BCAS3: variants seen among roughly 807,000 people sequenced by gnomAD.
The protein encoded by BCAS3 is BCAS3 microtubule associated cell migration factor, also known as BCAS4/BCAS3 fusion.
A neutral mutation model predicts 116.1 loss-of-function variants in BCAS3; 53 were observed. The observed-to-expected ratio is 0.46, with a 90% CI of 0.37 to 0.57. BCAS3 has a LOEUF of 0.57. Ranked by LOEUF, BCAS3 falls within the 20% of genes least tolerant of loss-of-function variation. The pLI is 0.00. For synonymous variants in BCAS3, 391 were observed against 408.2 expected, an observed-to-expected ratio of 0.96 and a Z score of 0.51; for missense variants, 917 against 1,165.4, an observed-to-expected ratio of 0.79 and a Z score of 3.10.
intron 4 of BCAS3, among the ~76,000 whole-genome samples, chr17:60,707,001 A>AT (rs1568062260): frequency 1.3e-5 from 2 of 150,528 alleles, no homozygotes; most frequent in Non-Finnish European, 1.5e-5. Flanking sequence ...TATTATTATT[A>AT]TTTTTTTGAG....
intron 10 of BCAS3, among the ~76,000 whole-genome samples, chr17:60,890,753 C>A (rs2057088611): frequency 6.6e-6 from 1 of 152,110 alleles, no homozygotes; most frequent in Non-Finnish European, 1.5e-5. Context: ...AGAATGAAAT[C>A]TTCTAAAAGA....
chr17:60,868,537 T>C (rs759218597), intron 7 of BCAS3, 39 bp from the exon 8 acceptor site: 9 of 1,338,716 alleles, frequency 6.7e-6, no homozygotes, highest in Non-Finnish European at 9.1e-6. Context: ...TCTTTCTTTT[T>C]TAAAAAAATG....
chr17:60,994,515 A>G lies in BCAS3; in HGVS notation c.1486+4280A>G, dbSNP rs2063720566. On this transcript the variant is annotated intron_variant, in intron 15 of 23. Coordinates refer to ENST00000407086, the MANE Select transcript of BCAS3 (RefSeq NM_017679.5). This position sits in a 1 kb window ranked among gnomAD's most constrained non-coding sequence, Gnocchi z 4.4. ...CAGTAATTTCTAACAATTTTTTACT[A>G]TCACAAGCACTTCCTTGTGGAATGT... Among the ~76,000 whole-genome samples the G allele has an allele frequency of 6.6e-6, 1 of 152,114 alleles. No homozygotes were observed. The highest frequency in any genetic ancestry group is 1.5e-5 in the Non-Finnish European group (1 of 68,016).
Position 61,082,107 on chromosome 17 carries a change from A to G in BCAS3, c.2328-2360A>G, listed in dbSNP as rs1284988071. On this transcript the variant is annotated intron_variant, in intron 21 of 23. Transcript: ENST00000407086. This position sits in a 1 kb window ranked among gnomAD's most constrained non-coding sequence, Gnocchi z 5.1. ...AGCAGGTGTTTAAAAAGAATGGGCA[A>G]TGAAATATTTGCTAACAGACCTGAG... Among the ~76,000 whole-genome samples the G allele has an allele frequency of 6.6e-6, 1 of 152,250 alleles. No individual in the cohort carries two copies. Among genetic ancestry groups the G allele is most frequent in the East Asian group, 1.9e-4 (1 of 5,198 alleles).
rs529618586 is a variant in BCAS3, at chr17:60,856,696, A to G, written c.477-11880A>G. Among the ~76,000 whole-genome samples, 6 of 152,118 alleles carry G rather than the reference A, an allele frequency of 3.9e-5. No individual in the cohort carries two copies. In the South Asian group the frequency reaches 1.2e-3, roughly 32 times the overall value. Reference sequence around the variant, plus strand: ...ATACAGCCAGACTGTCTCCAAAAAAATAAAAAAAAAATTATAGATTCATTT... The same window carrying G: ...ATACAGCCAGACTGTCTCCAAAAAAGTAAAAAAAAAATTATAGATTCATTT... On this transcript the variant is annotated intron_variant, in intron 7 of 23. Coordinates refer to ENST00000407086, the MANE Select transcript of BCAS3 (RefSeq NM_017679.5).
intron 5 of BCAS3, among the ~76,000 whole-genome samples, chr17:60,737,933 T>C (rs2041140631): frequency 6.6e-6 from 1 of 152,104 alleles, no homozygotes; most frequent in South Asian, 2.1e-4. Context: ...ATTACAGGCA[T>C]GTGCCACCAC....
intron 22 of BCAS3, among the ~76,000 whole-genome samples, chr17:61,335,864 G>A (rs1276578318): frequency 2.0e-5 from 3 of 152,278 alleles, no homozygotes; most frequent in Non-Finnish European, 2.9e-5. Flanking sequence ...AAAACGCAAA[G>A]CACCAGAGTC....
intron 22 of BCAS3, among the ~76,000 whole-genome samples, chr17:61,236,044 T>C (rs147389863): frequency 6.6e-6 from 1 of 152,318 alleles, no homozygotes; most frequent in East Asian, 1.9e-4. Context: ...AATGTTACAA[T>C]TGCAGCTGGA....
In BCAS3 at chr17:61,322,856, CAG is replaced by C. The variant is rs149772722; in HGVS notation, c.2426-45448_2426-45447del. ...AGAGAGAGAGAGAGAGAGAGAGAGA[CAG>C]AGAGAGAGAGAGAGAGAGAGAGGTG... On this transcript the variant is annotated intron_variant, in intron 22 of 23. Transcript: ENST00000407086. 9.2e-3 allele frequency among the ~76,000 whole-genome samples: 555 copies of C among 60,170 alleles called. 5 individuals carry two copies. Among genetic ancestry groups the C allele is most frequent in the Middle Eastern group, 0.037 (4 of 108 alleles). 39.5% of individuals were successfully genotyped at this position (60,170 alleles called of 152,430 possible).
rs1436705740 is a variant in BCAS3 at position 61,344,242 on chromosome 17, A to T, written c.2426-24085A>T. 1.3e-5 allele frequency among the ~76,000 whole-genome samples: 2 copies of T among 151,800 alleles called. No individual in the cohort carries two copies. Among genetic ancestry groups the T allele is most frequent in the Non-Finnish European group, 2.9e-5 (2 of 67,956 alleles). The stretch of plus-strand genomic sequence containing the variant: ...TCACCTGCCAAAATCATCCTTTGAC[A>T]TTAAAAAAAAAAAATCCCCTTGCTT... On this transcript the variant is annotated intron_variant, in intron 22 of 23. Transcript: ENST00000407086. This position sits in a 1 kb window ranked among gnomAD's most constrained non-coding sequence, Gnocchi z 4.1.
chr17:60,805,418 C>G (rs1198451880), intron 6 of BCAS3, among the ~76,000 whole-genome samples: 1 of 152,126 alleles, frequency 6.6e-6, no homozygotes, highest in African/African-American at 2.4e-5. Context: ...CTCAGGGTCT[C>G]TGGGTGGGCC....
Position 61,256,736 on chromosome 17 carries a change from A to G in BCAS3, c.2426-111591A>G, listed in dbSNP as rs1364829967. Among the ~76,000 whole-genome samples, 3 of 152,212 alleles carry G rather than the reference A, an allele frequency of 2.0e-5. No homozygotes were observed. The highest frequency in any genetic ancestry group is 2.9e-5 in the Non-Finnish European group (2 of 68,034). On this transcript the variant is annotated intron_variant, in intron 22 of 23. Coordinates refer to ENST00000407086, the MANE Select transcript of BCAS3 (RefSeq NM_017679.5). The surrounding 1 kb of genome is among the most constrained non-coding windows in gnomAD (Gnocchi z 5.6). ...TACAGAGATAAACTGGAGACAGAGT[A>G]ACACAAAAATAATCATTTCAAAAGA...
chr17:61,035,045 A>G (rs143336059), intron 17 of BCAS3, among the ~76,000 whole-genome samples: 13 of 152,272 alleles, frequency 8.5e-5, no homozygotes, highest in East Asian at 7.7e-4. Flanking sequence ...GGTGATCTCA[A>G]TGCTGTCAAT....
Position 61,037,589 on chromosome 17 carries a change from C to T in BCAS3, c.1763-300C>T, listed in dbSNP as rs766297539. On this transcript the variant is annotated intron_variant, in intron 17 of 23. Transcript: ENST00000407086. The surrounding 1 kb of genome is among the most constrained non-coding windows in gnomAD (Gnocchi z 4.7). Reference sequence around the variant, plus strand: ...GAGTTCGAGACCAGCCTGACCAACACGGCGAAACCCTATCTCTACTAAAAA... The same window carrying T: ...GAGTTCGAGACCAGCCTGACCAACATGGCGAAACCCTATCTCTACTAAAAA... 3.3e-5 allele frequency among the ~76,000 whole-genome samples: 5 copies of T among 151,944 alleles called. No homozygotes were observed. Among genetic ancestry groups the T allele is most frequent in the South Asian group, 2.1e-4 (1 of 4,826 alleles).
At position 60,994,730 on chromosome 17, in the gene BCAS3, T is replaced by C. The variant is rs2063732049; in HGVS notation, c.1486+4495T>C. 1.3e-5 allele frequency among the ~76,000 whole-genome samples: 2 copies of C among 152,336 alleles called. No individual in the cohort carries two copies. The highest frequency in any genetic ancestry group is 4.1e-4 in the South Asian group (2 of 4,828). Reference sequence around the variant, plus strand: ...CTTTCCTATTTGCAACTTTTCTTTATTTGACATTATTATTGCCTCTTTGAA... The same window carrying C: ...CTTTCCTATTTGCAACTTTTCTTTACTTGACATTATTATTGCCTCTTTGAA... On this transcript the variant is annotated intron_variant, in intron 15 of 23. Coordinates refer to ENST00000407086, the MANE Select transcript of BCAS3 (RefSeq NM_017679.5). The surrounding 1 kb of genome is among the most constrained non-coding windows in gnomAD (Gnocchi z 4.4).
intron 11 of BCAS3, among the ~76,000 whole-genome samples, chr17:60,904,541 A>G (rs1454695466): frequency 1.3e-5 from 2 of 151,512 alleles, no homozygotes; most frequent in Admixed American, 6.6e-5. Flanking sequence ...GTTTAATATA[A>G]CACTTTAGGG....
chr17:61,168,534 C>G (rs2078651781), intron 22 of BCAS3, among the ~76,000 whole-genome samples: 1 of 152,176 alleles, frequency 6.6e-6, no homozygotes, highest in South Asian at 2.1e-4. Context: ...CTGCCAAAGT[C>G]TAGAATTCCA....
intron 22 of BCAS3, among the ~76,000 whole-genome samples, chr17:61,298,592 T>C (rs1247286182): frequency 6.6e-6 from 1 of 152,110 alleles, no homozygotes; most frequent in Admixed American, 6.5e-5. Context: ...CTGAGAATAA[T>C]GATGAGAGAG....
chr17:60,681,551 C>CT (rs982953739), intron 2 of BCAS3, among the ~76,000 whole-genome samples: 81 of 146,720 alleles, frequency 5.5e-4, no homozygotes, highest in Admixed American at 2.0e-3. Flanking sequence ...ATATATTATT[C>CT]TTTTTTTTTT....
Sources: allele counts gnomAD v4.1 joint callset (sites outside exome capture counted in the v4.1 genomes callset), GRCh38; gene constraint gnomAD v4.1.1; non-coding constraint Gnocchi (gnomAD v3.1); transcripts MANE v1.5; gene names NCBI Gene and HGNC (gene_info 2026-07-23, HGNC 2026-07-21).